Variants in WIPI2 observed in about 807,000 individuals in gnomAD.
WIPI2 encodes the protein WD repeat domain, phosphoinositide interacting 2.
In WIPI2, 28 loss-of-function variants were observed where a neutral mutation model predicts 52.3. The ratio of observed to expected loss-of-function variants is 0.54; its 90% CI spans 0.40 to 0.73. The LOEUF is 0.73. Ranked by LOEUF, WIPI2 falls within the 30% of genes least tolerant of loss-of-function variation. The pLI is 0.00. For missense variants in WIPI2, 506 were observed against 602.9 expected (o/e 0.84, Z 1.68); for synonymous variants, 268 against 245.0 (o/e 1.09, Z -0.88).
intron 2 of WIPI2, among the ~76,000 whole-genome samples, chr7:5,198,255 A>AT (rs1361526938): frequency 1.3e-5 from 2 of 151,982 alleles, no homozygotes; most frequent in Non-Finnish European, 2.9e-5. Flanking sequence ...GCACAGAGAG[A>AT]TGCCTGCGCC....
chr7:5,213,792 TCTC>T (rs142905666), intron 3 of WIPI2, among the ~76,000 whole-genome samples: 3,081 of 152,222 alleles, frequency 0.02, 122 homozygotes, highest in African/African-American at 0.071. Flanking sequence ...TTCACACCGT[TCTC>T]CTGCCTCAGG....
intron 3 of WIPI2, among the ~76,000 whole-genome samples, chr7:5,200,499 A>T (rs965348458): frequency 5.3e-5 from 8 of 150,938 alleles, no homozygotes; most frequent in African/African-American, 2.0e-4. Context: ...TCCTGAGCAC[A>T]CTCTCCAGTC....
intron 7 of WIPI2, among the ~76,000 whole-genome samples, chr7:5,220,904 G>T (rs371187761): frequency 6.7e-6 from 1 of 150,036 alleles, no homozygotes; most frequent in Non-Finnish European, 1.5e-5. Context: ...AGCGATTCTC[G>T]TGCCTCAGCC....
In WIPI2 at chr7:5,222,822, G is replaced by C. The variant is rs766635085; in HGVS notation, c.740+150G>C. 15 of 738,592 alleles carry C rather than the reference G, an allele frequency of 2.0e-5. 1 individual carries two copies. Among genetic ancestry groups the C allele is most frequent in the Admixed American group, 2.7e-5 (1 of 37,354 alleles). 45.8% of individuals were successfully genotyped at this position (738,592 alleles called of 1,614,324 possible). The stretch of plus-strand genomic sequence containing the variant: ...GGTCACCGGGTAAGATCTGGGCGTC[G>C]GTCTTGTCATGGGAATTGAAGAGCA... On this transcript the variant is annotated intron_variant, in intron 8 of 12. Transcript: ENST00000288828.
intron 2 of WIPI2, among the ~76,000 whole-genome samples, chr7:5,199,106 C>G (rs1276562595): frequency 1.3e-5 from 2 of 152,180 alleles, no homozygotes; most frequent in African/African-American, 4.8e-5. Flanking sequence ...TCACTGCAGC[C>G]TCAACCTCCT....
Position 5,232,099 on chromosome 7 carries a change from C to T in WIPI2, c.*1152C>T, listed in dbSNP as rs1783751878. On this transcript the variant is annotated 3_prime_UTR_variant, in exon 13 of 13. Transcript: ENST00000288828. ...TCAGACTCTGCATTCCAAACCAAGG[C>T]ACCCAGCAGCCAAAGTGTCGAGGGC... The T allele has an allele frequency of 2.5e-6, 1 of 398,704 alleles. No homozygotes were observed. The highest frequency in any genetic ancestry group is 4.4e-6 in the Non-Finnish European group (1 of 226,078). The allele number at this position is 398,704 out of a possible 1,614,324, so 24.7% of individuals were successfully genotyped here.
In WIPI2 at chr7:5,193,106, T is replaced by G. The variant is rs1362723057; in HGVS notation, c.75-12T>G. 6.2e-7 allele frequency: 1 copy of G among 1,613,494 alleles called. No homozygotes were observed. Among genetic ancestry groups the G allele is most frequent in the Admixed American group, 1.7e-5 (1 of 59,970 alleles). ...CCATTTGTTTTTTGTTTTGTTTTGT[T>G]TTTTTACCTAGAGAAGTGAAAGGGG... is the stretch of plus-strand genomic sequence containing the variant. On this transcript the variant is annotated splice_polypyrimidine_tract_variant and intron_variant, in intron 1 of 12. Transcript: ENST00000288828.
At position 5,232,557 on chromosome 7, in the gene WIPI2, G is replaced by T; in HGVS notation, c.*1610G>T. 1 of 376,220 alleles carries T rather than the reference G, an allele frequency of 2.7e-6. No individual in the cohort carries two copies. Among genetic ancestry groups the T allele is most frequent in the East Asian group, 3.8e-5 (1 of 26,284 alleles). 23.3% of individuals were successfully genotyped at this position (376,220 alleles called of 1,614,324 possible). A position where few individuals can be genotyped will look rare whatever the true frequency, so the allele number is the denominator to read the frequency against. The stretch of plus-strand genomic sequence containing the variant: ...ATGAAATGGGATCCCGGTCACGCAG[G>T]CTGAGACAGTGGGGACCGCCGAGGC... On this transcript the variant is annotated 3_prime_UTR_variant, in exon 13 of 13. Coordinates refer to ENST00000288828, the MANE Select transcript of WIPI2 (RefSeq NM_015610.4).
intron 1 of WIPI2, 76 bp downstream of exon 1, chr7:5,190,569 A>C: frequency 1.8e-5 from 23 of 1,299,186 alleles, no homozygotes; most frequent in Non-Finnish European, 2.3e-5. Context: ...CCTCGCTGCC[A>C]AGCTCGGCGG....
intron 7 of WIPI2, chr7:5,218,677 T>C (rs1782942343): frequency 2.0e-5 from 3 of 152,292 alleles, no homozygotes; most frequent in Admixed American, 2.0e-4. Context: ...AATGTCTGGC[T>C]TTAAAGGAGA....
rs73676544 is a variant in WIPI2 at position 5,227,072 on chromosome 7, A to G, written c.849-108A>G. 3,332 of 1,445,868 alleles carry G rather than the reference A, an allele frequency of 2.3e-3. 69 individuals are homozygous for G. In the African/African-American group the frequency reaches 0.043, roughly 19 times the overall value. 89.6% of individuals were successfully genotyped at this position (1,445,868 alleles called of 1,614,324 possible). A position where few individuals can be genotyped will look rare whatever the true frequency, so the allele number is the denominator to read the frequency against. On this transcript the variant is annotated intron_variant, in intron 9 of 12. Transcript: ENST00000288828. The surrounding 1 kb of genome is among the most constrained non-coding windows in gnomAD (Gnocchi z 8.1). ...ACCCTGTTTAATTTTCCTGTGAAGA[A>G]TGGAGACTTTTGCTGTCGGCTCCAG...
chr7:5,214,325 C>A lies in WIPI2; in HGVS notation c.212-210C>A, dbSNP rs1184771234. On this transcript the variant is annotated intron_variant, in intron 3 of 12. Transcript: ENST00000288828. ...CGTGTGAATGCTCGTGAGGGGCCAT[C>A]CTTAGAGTGGAAATGCTCCTGAGGC... 1.9e-6 allele frequency: 3 copies of A among 1,568,546 alleles called. No individual in the cohort carries two copies. In the Admixed American group the frequency reaches 5.2e-5, roughly 27 times the overall value.
At position 5,191,992 on chromosome 7, in the gene WIPI2, G is replaced by A. The variant is rs568572858; in HGVS notation, c.75-1126G>A. On this transcript the variant is annotated intron_variant, in intron 1 of 12. Coordinates refer to ENST00000288828, the MANE Select transcript of WIPI2 (RefSeq NM_015610.4). ...TTGGAATTGGTTAATAGTGGAGCGG[G>A]GGCAGGAGTGGAATCTCGCCTCCTG... is the stretch of plus-strand genomic sequence containing the variant. Among the ~76,000 whole-genome samples, 6 of 152,268 alleles carry A rather than the reference G, an allele frequency of 3.9e-5. 1 individual carries two copies. The highest frequency in any genetic ancestry group is 1.4e-4 in the African/African-American group (6 of 41,558).
At chr7:5,211,922 C>T (rs1217134529) in intron 3 of WIPI2, among the ~76,000 whole-genome samples, 1 of 152,198 alleles carries the variant, frequency 6.6e-6, no homozygotes, top group African/African-American at 2.4e-5. Flanking sequence ...ACGCCCAGTA[C>T]ATGTGTTAGG....
rs1330329350 is a variant in WIPI2, at chr7:5,190,481, A to G, written c.62A>G (p.Asn21Ser). Residue 21 changes from asparagine (N) to serine (S), a missense_variant, in exon 1 of 13, where the codon AAC (asparagine) becomes AGC (serine). Physicochemically the swap from Asn to Ser is conservative, Grantham distance 46. This residue lies in a region of WIPI2 where 15 missense variants were observed against 31.3 expected (regional missense o/e 0.48). Transcript: ENST00000288828. ...GAGQLLFANF[N>S]QDNTEVKGAS... Reference sequence around the variant, plus strand: ...GGCCAGCTGCTCTTCGCCAACTTCAACCAGGACAACACGTAAGGCCGGGGT... The same window carrying G: ...GGCCAGCTGCTCTTCGCCAACTTCAGCCAGGACAACACGTAAGGCCGGGGT... 1.4e-5 allele frequency: 21 copies of G among 1,511,690 alleles called. No homozygotes were observed. The highest frequency in any genetic ancestry group is 1.7e-5 in the Non-Finnish European group (19 of 1,130,142). The allele number at this position is 1,511,690 out of a possible 1,614,324, so 93.6% of individuals were successfully genotyped here.
intron 7 of WIPI2, among the ~76,000 whole-genome samples, chr7:5,219,720 T>C (rs1356360780): frequency 1.3e-5 from 2 of 152,258 alleles, no homozygotes; most frequent in African/African-American, 2.4e-5. Context: ...ACAAAACCTT[T>C]GCCGTGGTTA....
At position 5,225,902 on chromosome 7, in the gene WIPI2, A is replaced by G. The variant is rs147665369; in HGVS notation, c.820A>G (p.Ile274Val). Residue 274 changes from isoleucine to valine, a missense_variant, in exon 9 of 13, where the codon ATC (isoleucine) becomes GTC (valine). By Grantham distance (29) the Ile-to-Val change is conservative. Transcript: ENST00000288828. ...SASSNTETVHIFKLETVKEKP... is the reference protein window; with the variant it reads ...SASSNTETVHVFKLETVKEKP... ...CTCCAGCAACACTGAGACCGTGCAC[A>G]TCTTCAAACTCGAGACTGTGAAAGA... is the stretch of plus-strand genomic sequence containing the variant. The G allele has an allele frequency of 2.5e-6, 4 of 1,614,012 alleles. No homozygotes were observed. In the African/African-American group the frequency reaches 4.0e-5, roughly 16 times the overall value.
Position 5,197,111 on chromosome 7 carries a change from C to CAAAAAAAAAAA in WIPI2, c.129-2459_129-2458insAAAAAAAAAAA, listed in dbSNP as rs1562384541. ...TGCATGACAGAGCGGGACTCCGTCT[C>CAAAAAAAAAAA]AAAAAACAAAAAAAAAAAAAAAAAA... On this transcript the variant is annotated intron_variant, in intron 2 of 12. Transcript: ENST00000288828. 1.4e-4 allele frequency among the ~76,000 whole-genome samples: 8 copies of CAAAAAAAAAAA among 56,432 alleles called. 2 individuals carry two copies. Among genetic ancestry groups the CAAAAAAAAAAA allele is most frequent in the South Asian group, 7.8e-4 (1 of 1,288 alleles). The allele number at this position is 56,432 out of a possible 152,430, so 37.0% of individuals were successfully genotyped here.
At chr7:5,217,863 C>G in intron 6 of WIPI2, 59 bp from the exon 7 acceptor site, 1 of 1,573,586 alleles carries the variant, frequency 6.4e-7, no homozygotes, top group South Asian at 1.1e-5. Context: ...CAAGTGTCAG[C>G]CCTGGGGCGT....
Sources: gnomAD v4.1 joint callset for allele counts (sites outside exome capture counted in the v4.1 genomes callset) on GRCh38, gnomAD v4.1.1 for gene constraint, gnomAD v4.1.1 regional missense constraint, Gnocchi (gnomAD v3.1) non-coding constraint, MANE v1.5 for transcripts, NCBI Gene and HGNC (gene_info 2026-07-23, HGNC 2026-07-21) for gene names.